TCERG1L: variants seen among roughly 807,000 people sequenced by gnomAD.
The protein encoded by TCERG1L is transcription elongation regulator 1 like.
A neutral mutation model predicts 56.3 loss-of-function variants in TCERG1L; 37 were observed. That is an observed-to-expected ratio of 0.66 (90% confidence interval 0.51 to 0.87). The LOEUF is 0.87. TCERG1L is among the 40% of genes least tolerant of loss of function. The pLI, the probability that TCERG1L is intolerant of heterozygous loss-of-function variation, is 0.00. For missense variants in TCERG1L, 799 were observed against 774.2 expected, an observed-to-expected ratio of 1.03 and a Z score of -0.38; for synonymous variants, 324 against 326.3, an observed-to-expected ratio of 0.99 and a Z score of 0.08.
intron 9 of TCERG1L, among the ~76,000 whole-genome samples, chr10:131,110,328 C>G (rs182582085): frequency 1.3e-5 from 2 of 152,330 alleles, no homozygotes; most frequent in Admixed American, 6.5e-5. Context: ...CCTCAACTCA[C>G]ACCCTCTAAA....
chr10:131,202,156 C>T (rs1845444566), intron 4 of TCERG1L, among the ~76,000 whole-genome samples: 2 of 152,200 alleles, frequency 1.3e-5, no homozygotes, highest in Admixed American at 1.3e-4. Flanking sequence ...AGCCTCCCGA[C>T]CACATGAAGG....
At chr10:131,283,207 G>A (rs537789369) in intron 3 of TCERG1L, among the ~76,000 whole-genome samples, 1 of 152,336 alleles carries the variant, frequency 6.6e-6, no homozygotes, top group Admixed American at 6.5e-5. Context: ...CATTGGTACA[G>A]TTGCCAAAGG....
intron 4 of TCERG1L, among the ~76,000 whole-genome samples, chr10:131,187,603 G>A (rs1845258447): frequency 6.6e-6 from 1 of 152,144 alleles, no homozygotes; most frequent in Admixed American, 6.5e-5. Context: ...AGAATGGCAT[G>A]GTGGAAAACC....
intron 4 of TCERG1L, among the ~76,000 whole-genome samples, chr10:131,199,788 CCT>C (rs1845410449): frequency 6.6e-6 from 1 of 152,202 alleles, no homozygotes; most frequent in African/African-American, 2.4e-5. Flanking sequence ...AAACAGTGCC[CCT>C]CCTGTAAACA....
rs1456067264 is a variant in TCERG1L, at chr10:131,180,206, C to T, written c.857-13321G>A. On this transcript the variant is annotated intron_variant, in intron 4 of 11. Coordinates refer to ENST00000368642, the MANE Select transcript of TCERG1L (RefSeq NM_174937.4). ...GGGATAAAGAAGAATCTATATGATA[C>T]GGGAATGGCAGATAGGGATGCAAAG... is the stretch of plus-strand genomic sequence containing the variant. 4.6e-5 allele frequency among the ~76,000 whole-genome samples: 7 copies of T among 152,116 alleles called. 1 individual carries two copies. Among genetic ancestry groups the T allele is most frequent in the African/African-American group, 7.2e-5 (3 of 41,436 alleles).
chr10:131,117,782 T>A (rs1168580899), intron 8 of TCERG1L, among the ~76,000 whole-genome samples: 1 of 152,240 alleles, frequency 6.6e-6, no homozygotes, highest in East Asian at 1.9e-4. Context: ...CTCTCCCCCT[T>A]GCATTATTTT....
intron 4 of TCERG1L, among the ~76,000 whole-genome samples, chr10:131,168,132 C>G (rs556796861): frequency 2.0e-5 from 3 of 152,162 alleles, no homozygotes; most frequent in Non-Finnish European, 4.4e-5. Flanking sequence ...GGGGAATTAA[C>G]GTAAATCACT....
intron 3 of TCERG1L, among the ~76,000 whole-genome samples, chr10:131,271,673 A>G (rs776764673): frequency 1.3e-5 from 2 of 152,202 alleles, no homozygotes; most frequent in African/African-American, 4.8e-5. Context: ...TTCACCAGAG[A>G]TCAGGAGGAA....
chr10:131,202,571 A>T (rs1845452553), intron 4 of TCERG1L, among the ~76,000 whole-genome samples: 1 of 151,848 alleles, frequency 6.6e-6, no homozygotes, highest in Non-Finnish European at 1.5e-5. Context: ...ACAGAGCAAG[A>T]CTCCATCTCC....
At chr10:131,240,668 G>A (rs1845962411) in intron 4 of TCERG1L, among the ~76,000 whole-genome samples, 1 of 152,182 alleles carries the variant, frequency 6.6e-6, no homozygotes. Flanking sequence ...CTAAAAATAC[G>A]CCACAGCCTG....
chr10:131,135,186 G>T (rs1005719059), intron 7 of TCERG1L, among the ~76,000 whole-genome samples: 2 of 152,162 alleles, frequency 1.3e-5, no homozygotes, highest in African/African-American at 4.8e-5. Context: ...AGCATCACCT[G>T]CTTCTCATTC....
chr10:131,116,652 G>A (rs560860289), intron 9 of TCERG1L, 147 bp downstream of exon 9: 1 of 1,101,056 alleles, frequency 9.1e-7, no homozygotes, highest in East Asian at 2.6e-5. Flanking sequence ...ACTCAGTAAG[G>A]AGGACACATC....
chr10:131,296,087 T>C (rs1312885186), intron 3 of TCERG1L, among the ~76,000 whole-genome samples: 1 of 152,188 alleles, frequency 6.6e-6, no homozygotes, highest in African/African-American at 2.4e-5. Context: ...TGAAAAGTGA[T>C]TTCAAAGACC....
intron 11 of TCERG1L, among the ~76,000 whole-genome samples, chr10:131,093,893 C>T (rs1195601741): frequency 1.3e-5 from 2 of 152,190 alleles, no homozygotes; most frequent in Non-Finnish European, 2.9e-5. Context: ...ACTGGACTCC[C>T]ACATTCGAAT....
chr10:131,138,923 A>C, intron 7 of TCERG1L, among the ~76,000 whole-genome samples: 1 of 152,262 alleles, frequency 6.6e-6, no homozygotes, highest in East Asian at 1.9e-4. Flanking sequence ...GTAAAATATT[A>C]TAATAATATT....
intron 4 of TCERG1L, among the ~76,000 whole-genome samples, chr10:131,183,755 G>A (rs1039821737): frequency 2.6e-5 from 4 of 152,220 alleles, no homozygotes; most frequent in African/African-American, 9.6e-5. Context: ...CCATGGTGGG[G>A]AGGGGGGACC....
Position 131,211,257 on chromosome 10 carries a change from C to G in TCERG1L, c.857-44372G>C, listed in dbSNP as rs192973769. On this transcript the variant is annotated intron_variant, in intron 4 of 11. Coordinates refer to ENST00000368642, the MANE Select transcript of TCERG1L (RefSeq NM_174937.4). Reference sequence around the variant, plus strand: ...CCTCTCAAAGGAGGACTGAGGAGGACTGTCCCTGGCCTTCAGGCCCCCAGC... The same window carrying G: ...CCTCTCAAAGGAGGACTGAGGAGGAGTGTCCCTGGCCTTCAGGCCCCCAGC... 3.9e-5 allele frequency among the ~76,000 whole-genome samples: 6 copies of G among 152,340 alleles called. No homozygotes were observed. In the East Asian group the frequency reaches 1.2e-3, roughly 29 times the overall value.
intron 9 of TCERG1L, among the ~76,000 whole-genome samples, chr10:131,111,935 T>TGC (rs1454391165): frequency 3.5e-5 from 5 of 143,050 alleles, no homozygotes; most frequent in Non-Finnish European, 6.3e-5. Context: ...TCATGGGCCC[T>TGC]GCCCCCCAGC....
At chr10:131,288,613 G>A (rs535288277) in intron 3 of TCERG1L, among the ~76,000 whole-genome samples, 1 of 152,250 alleles carries the variant, frequency 6.6e-6, no homozygotes, top group East Asian at 1.9e-4. Flanking sequence ...AAATTACCTC[G>A]GAACGGGCCC....
Sources: allele counts gnomAD v4.1 joint callset (sites outside exome capture counted in the v4.1 genomes callset), GRCh38; gene constraint gnomAD v4.1.1; transcripts MANE v1.5; gene names NCBI Gene and HGNC (gene_info 2026-07-23, HGNC 2026-07-21).